NAA38: variants seen among roughly 807,000 people sequenced by gnomAD.
The protein encoded by NAA38 is LSM domain containing 1.
A neutral mutation model predicts 12.6 loss-of-function variants in NAA38; 15 were observed. The observed-to-expected ratio is 1.19, with a 90% CI of 0.79 to 1.83. The LOEUF (loss-of-function observed/expected upper bound fraction) is 1.83. Ranked by LOEUF, NAA38 falls within the 40% of genes most tolerant of loss-of-function variation. The pLI is 0.00. For synonymous variants in NAA38, 88 were observed against 69.9 expected (o/e 1.26, Z -1.29); for missense variants, 183 against 171.7 (o/e 1.07, Z -0.37).
chr17:7,884,935 TGAG>T (rs770952876), intron 1 of NAA38: 8 of 1,348,598 alleles, frequency 5.9e-6, no homozygotes, highest in South Asian at 3.1e-5. Context: ...ACGAGGACGA[TGAG>T]GAGGACGACG....
chr17:7,876,424 G>A (rs138223458), intron 2 of NAA38, among the ~76,000 whole-genome samples: 3 of 152,030 alleles, frequency 2.0e-5, no homozygotes, highest in African/African-American at 7.2e-5. Context: ...CTTTAAAGAG[G>A]TACTAACTCC....
chr17:7,883,847 C>G (rs1967377706), intron 1 of NAA38, among the ~76,000 whole-genome samples: 1 of 150,956 alleles, frequency 6.6e-6, no homozygotes, highest in Non-Finnish European at 1.5e-5. Context: ...AAAAAAAAAG[C>G]TTTTCTTTAG....
chr17:7,859,429 C>T, upstream of NAA38: 1 of 1,614,110 alleles, frequency 6.2e-7, no homozygotes, highest in Non-Finnish European at 8.5e-7. Context: ...GCTATCTCCC[C>T]TATAACTCAC....
chr17:7,877,068 T>C (rs747608534), intron 2 of NAA38: 2 of 389,270 alleles, frequency 5.1e-6, no homozygotes, highest in East Asian at 2.1e-4. Flanking sequence ...GAACCAGAGA[T>C]TCATGAGGAA....
intron 2 of NAA38, among the ~76,000 whole-genome samples, chr17:7,875,016 C>T (rs985836999): frequency 2.0e-5 from 3 of 151,630 alleles, no homozygotes; most frequent in Middle Eastern, 3.4e-3. Flanking sequence ...AACGACACAG[C>T]GAGATCCCAT....
At chr17:7,876,287 T>C (rs1967173783) in intron 2 of NAA38, among the ~76,000 whole-genome samples, 1 of 152,170 alleles carries the variant, frequency 6.6e-6, no homozygotes, top group Non-Finnish European at 1.5e-5. Context: ...CTGCCTACTC[T>C]ACCATAACAA....
At chr17:7,881,363 G>A (rs773264202) in intron 2 of NAA38, among the ~76,000 whole-genome samples, 1 of 151,718 alleles carries the variant, frequency 6.6e-6, no homozygotes, top group Non-Finnish European at 1.5e-5. Flanking sequence ...GGAAGGCAGC[G>A]AGAGACTGGG....
intron 1 of NAA38, among the ~76,000 whole-genome samples, chr17:7,884,071 A>AACACACACACACACAC (rs149257134): frequency 4.8e-4 from 71 of 148,650 alleles, no homozygotes; most frequent in African/African-American, 1.7e-3. Context: ...ATGCCCCCCC[A>AACACACACACACACAC]ACACACACAC....
intron 2 of NAA38, among the ~76,000 whole-genome samples, chr17:7,867,618 C>CA (rs1339270930): frequency 1.3e-5 from 2 of 152,214 alleles, no homozygotes; most frequent in Non-Finnish European, 2.9e-5. Context: ...AGGTGTGAGC[C>CA]ACTGTACCTG....
At chr17:7,866,223 A>G (rs972293820) in intron 3 of NAA38, 5 of 231,592 alleles carry the variant, frequency 2.2e-5, no homozygotes, top group African/African-American at 1.2e-4. Context: ...AGTAGCTGGG[A>G]CTACAGATGC....
At chr17:7,858,355 G>C (rs756698519), upstream of NAA38, 6 of 1,614,082 alleles carry the variant, frequency 3.7e-6, no homozygotes, top group East Asian at 1.3e-4. Flanking sequence ...GCGTTTGCCT[G>C]GTTCTCGAAG....
At chr17:7,867,484 G>A (rs1254687890) in intron 2 of NAA38, among the ~76,000 whole-genome samples, 7 of 151,882 alleles carry the variant, frequency 4.6e-5, no homozygotes, top group South Asian at 2.1e-4. Flanking sequence ...GATTACAGGC[G>A]TGCACCACCA....
At chr17:7,857,780 CAG>C (rs139451465), upstream of NAA38, 1,236 of 1,290,364 alleles carry the variant, frequency 9.6e-4, 8 homozygotes, top group African/African-American at 0.017. Context: ...TTTTCTGTCT[CAG>C]AGAGATAGTC....
At chr17:7,869,996 C>G (rs1967058351) in intron 2 of NAA38, among the ~76,000 whole-genome samples, 1 of 152,146 alleles carries the variant, frequency 6.6e-6, no homozygotes, top group Non-Finnish European at 1.5e-5. Flanking sequence ...GGCCAGCCAA[C>G]AGAAAACTAT....
At chr17:7,856,871 A>C (rs2078821081) in intron 2 of NAA38, 28 bp from the exon 3 acceptor site, 1 of 1,610,982 alleles carries the variant, frequency 6.2e-7, no homozygotes, top group Non-Finnish European at 8.5e-7. Context: ...AGCATCAGGA[A>C]AGTAGGCCAG....
intron 2 of NAA38, among the ~76,000 whole-genome samples, chr17:7,877,432 C>T (rs1367824189): frequency 1.3e-5 from 2 of 150,622 alleles, no homozygotes; most frequent in African/African-American, 4.9e-5. Flanking sequence ...CATGTCTCTA[C>T]ATACAGAAGT....
At chr17:7,866,392 G>A (rs866129688) in intron 3 of NAA38, 8 of 952,002 alleles carry the variant, frequency 8.4e-6, no homozygotes, top group Non-Finnish European at 1.1e-5. Context: ...ACAGGTGTGA[G>A]CCATTGCGCC....
At chr17:7,858,132 G>C (rs1279673484), upstream of NAA38, 4 of 1,613,204 alleles carry the variant, frequency 2.5e-6, no homozygotes, top group Non-Finnish European at 3.4e-6. Context: ...CAGAGCAAGA[G>C]CCATGCCGCG....
intron 1 of NAA38, chr17:7,884,984 CG>C: frequency 3.5e-6 from 4 of 1,133,238 alleles, no homozygotes; most frequent in Non-Finnish European, 4.3e-6. Context: ...GGGCCACGAC[CG>C]GGGCCGCGAC....
Sources: allele counts gnomAD v4.1 joint callset (sites outside exome capture counted in the v4.1 genomes callset), GRCh38; gene constraint gnomAD v4.1.1; transcripts MANE v1.5; gene names NCBI Gene and HGNC (gene_info 2026-07-23, HGNC 2026-07-21).